The following ABCD2 variants were observed in gnomAD, a reference collection of about 807,000 sequenced individuals.
ABCD2 encodes ATP-binding cassette sub-family D member 2.
Under a neutral mutation model 70.9 loss-of-function variants are expected in ABCD2, and 36 were observed. The ratio of observed to expected loss-of-function variants is 0.51; its 90% CI spans 0.39 to 0.67. ABCD2 has a LOEUF of 0.67. Among genes scored for constraint, ABCD2 ranks in the 30% least tolerant of loss-of-function variants. The pLI, the probability that ABCD2 is intolerant of heterozygous loss-of-function variation, is 0.00. For synonymous variants in ABCD2, 304 were observed against 306.9 expected (o/e 0.99, Z 0.10); for missense variants, 729 against 890.2 (o/e 0.82, Z 2.30).
At chr12:39,538,167 C>T in the ABCD2 span, among the ~76,000 whole-genome samples, 220 of 142,840 alleles carry the variant, frequency 1.5e-3, no homozygotes, top group African/African-American at 5.7e-3. Context: ...CATTTTCTTT[C>T]TTTCTTTTTT....
In ABCD2 at chr12:39,617,084, T is replaced by C; in HGVS notation, c.1024A>G (p.Met342Val). 6.2e-7 allele frequency: 1 copy of C among 1,613,106 alleles called. No homozygotes were observed. ...LILSKRLWYI[M>V]IEQFLMKYVW... ...TACTTCATCAGGAACTGTTCTATCA[T>C]GATGTACCACAAACGTTTGGATAAA... Residue 342 changes from methionine (M) to valine (V), a missense_variant, in exon 2 of 10, where the codon ATG (methionine) becomes GTG (valine). Met to Val is a conservative substitution (Grantham distance 21). Transcript: ENST00000308666.
At position 39,613,311 on chromosome 12, in the gene ABCD2, G is replaced by A. The variant is rs1200543930; in HGVS notation, c.1120+3677C>T. 1.7e-5 allele frequency among the ~76,000 whole-genome samples: 2 copies of A among 118,556 alleles called. 1 individual carries two copies. The highest frequency in any genetic ancestry group is 3.3e-5 in the Non-Finnish European group (2 of 60,344). 77.8% of individuals were successfully genotyped at this position (118,556 alleles called of 152,430 possible). ...TGAGGCAGGAGAATGGCGTGAACCC[G>A]GGAGGCGGAGCTTGCAGTGAGCCGA... is the stretch of plus-strand genomic sequence containing the variant. On this transcript the variant is annotated intron_variant, in intron 2 of 9. Transcript: ENST00000308666.
intron 4 of ABCD2, among the ~76,000 whole-genome samples, chr12:39,604,344 GA>G (rs886987664): frequency 1.5e-4 from 22 of 150,968 alleles, no homozygotes; most frequent in African/African-American, 3.9e-4. Flanking sequence ...ATATCCTATA[GA>G]AAAAAAACCA....
chr12:39,589,737 C>T (rs1941719596), intron 6 of ABCD2, among the ~76,000 whole-genome samples: 1 of 151,976 alleles, frequency 6.6e-6, no homozygotes, highest in South Asian at 2.1e-4. Context: ...AAAAATTGCT[C>T]ACTTTGAAAA....
chr12:39,619,169 C>G lies in ABCD2; in HGVS notation c.447G>C (p.Lys149Asn), dbSNP rs749370948. ...KPRTFIIKLI[K>N]WLMIAIPATF... ...TAGCAGGGATGGCAATCATAAGCCA[C>G]TTGATTAATTTGATGATGAAAGTCC... Residue 149 changes from lysine to asparagine, a missense_variant, in exon 1 of 10, where the codon AAG becomes AAC. Coordinates refer to ENST00000308666, the MANE Select transcript of ABCD2 (RefSeq NM_005164.4). 5.6e-6 allele frequency: 9 copies of G among 1,614,210 alleles called. No individual in the cohort carries two copies. The South Asian group carries it at 8.8e-5, about 16-fold the overall frequency.
At chr12:39,608,382 G>A (rs956808032) in intron 2 of ABCD2, among the ~76,000 whole-genome samples, 4 of 151,782 alleles carry the variant, frequency 2.6e-5, no homozygotes, top group East Asian at 3.9e-4. Flanking sequence ...CCCTTAGGAG[G>A]GAGCAATAAT....
chr12:39,563,283 C>A (rs747716433), intron 9 of ABCD2, among the ~76,000 whole-genome samples: 2 of 152,114 alleles, frequency 1.3e-5, no homozygotes, highest in Admixed American at 6.5e-5. Context: ...CTTAGTACTT[C>A]GGGAGGCCAA....
Position 39,603,692 on chromosome 12 carries a change from T to C in ABCD2, c.1500+220A>G, listed in dbSNP as rs181661659. Among the ~76,000 whole-genome samples the C allele has an allele frequency of 3.5e-3, 528 of 152,216 alleles. 2 individuals are homozygous for C. Among genetic ancestry groups the C allele is most frequent in the Non-Finnish European group, 5.7e-3 (388 of 67,964 alleles). On this transcript the variant is annotated intron_variant, in intron 5 of 9. Transcript: ENST00000308666. Reference sequence around the variant, plus strand: ...CAAAATTACCTTGTACACTATAATTTTGATTTTCAACCTGGCAATAAAGCA... The same window carrying C: ...CAAAATTACCTTGTACACTATAATTCTGATTTTCAACCTGGCAATAAAGCA...
At chr12:39,543,204 G>T in the ABCD2 span, among the ~76,000 whole-genome samples, 5 of 152,096 alleles carry the variant, frequency 3.3e-5, no homozygotes, top group Non-Finnish European at 7.4e-5. Context: ...TAAGGACAGA[G>T]AATTTTCAAT....
chr12:39,558,209 G>A (rs1439716388), intron 9 of ABCD2, among the ~76,000 whole-genome samples: 1 of 152,218 alleles, frequency 6.6e-6, no homozygotes, highest in Non-Finnish European at 1.5e-5. Flanking sequence ...CTGATCCACT[G>A]GATTTAGGAT....
At chr12:39,618,626 GGCAA>G (rs1242995961) in intron 1 of ABCD2, 47 bp downstream of exon 1, 1 of 1,529,144 alleles carries the variant, frequency 6.5e-7, no homozygotes, top group East Asian at 2.2e-5. Context: ...GCACTGCAGT[GGCAA>G]CTTGAACAGT....
downstream of ABCD2, among the ~76,000 whole-genome samples, chr12:39,549,389 T>C (rs937581425): frequency 2.0e-5 from 3 of 151,950 alleles, no homozygotes; most frequent in East Asian, 5.8e-4. Flanking sequence ...ATTTGTTTAA[T>C]ATTGATATAG....
intron 9 of ABCD2, among the ~76,000 whole-genome samples, 157 bp from the exon 10 acceptor site, chr12:39,554,288 A>AT (rs1297307709): frequency 3.3e-5 from 5 of 152,126 alleles, no homozygotes; most frequent in African/African-American, 4.8e-5. Context: ...AAATACTGTG[A>AT]TTTTTTTAAA....
In ABCD2 at chr12:39,619,626, A is replaced by T; in HGVS notation, c.-11T>A. 1 of 1,592,260 alleles carries T rather than the reference A, an allele frequency of 6.3e-7. No homozygotes were observed. Among genetic ancestry groups the T allele is most frequent in the Non-Finnish European group, 8.5e-7 (1 of 1,173,490 alleles). On this transcript the variant is annotated 5_prime_UTR_variant, in exon 1 of 10. Transcript: ENST00000308666. Reference sequence around the variant, plus strand: ...TAGCATATGTGTCATTTTCCCAGTTACCCAAACCGGCTTCCAAAAGAATTC... The same window carrying T: ...TAGCATATGTGTCATTTTCCCAGTTTCCCAAACCGGCTTCCAAAAGAATTC...
At chr12:39,549,370 C>T (rs1273905962), downstream of ABCD2, among the ~76,000 whole-genome samples, 2 of 151,946 alleles carry the variant, frequency 1.3e-5, no homozygotes, top group African/African-American at 4.8e-5. Context: ...CAACATCTAA[C>T]TGGCATACAT....
the ABCD2 span, among the ~76,000 whole-genome samples, chr12:39,542,068 G>A: frequency 6.6e-6 from 1 of 152,134 alleles, no homozygotes; most frequent in Non-Finnish European, 1.5e-5. Flanking sequence ...AACCTGGGTG[G>A]TGGTTAAACA....
the ABCD2 span, among the ~76,000 whole-genome samples, chr12:39,538,810 CGGAAGACAGCTACCCTGGCT>C: frequency 2.0e-5 from 3 of 152,104 alleles, no homozygotes; most frequent in African/African-American, 7.2e-5. Flanking sequence ...CTACCCTGGC[CGGAAGACAGCTACCCTGGCT>C]GGAAAACACG....
In ABCD2 at chr12:39,550,326, T is replaced by A. The variant is rs997679553; in HGVS notation, c.*3586A>T. The A allele has an allele frequency of 3.3e-5, 5 of 151,748 alleles. No individual in the cohort carries two copies. Among genetic ancestry groups the A allele is most frequent in the Non-Finnish European group, 5.9e-5 (4 of 67,746 alleles). 9.4% of individuals were successfully genotyped at this position (151,748 alleles called of 1,614,324 possible). On this transcript the variant is annotated 3_prime_UTR_variant, in exon 10 of 10. Transcript: ENST00000308666. ...GTCTTTTTCTTAATGGTTAAGGAAT[T>A]CATAAGGAATGATGAGTTCAAGTAA...
At chr12:39,612,223 T>C (rs1383636198) in intron 2 of ABCD2, among the ~76,000 whole-genome samples, 1 of 152,232 alleles carries the variant, frequency 6.6e-6, no homozygotes, top group Non-Finnish European at 1.5e-5. Context: ...GTTTTACTTC[T>C]AGTTAAGTAC....
Sources: allele counts gnomAD v4.1 joint callset (sites outside exome capture counted in the v4.1 genomes callset), GRCh38; gene constraint gnomAD v4.1.1; transcripts MANE v1.5; gene names NCBI Gene and HGNC (gene_info 2026-07-23, HGNC 2026-07-21).